Variants in UBE2F observed in about 807,000 individuals in gnomAD.
The protein encoded by UBE2F is ubiquitin conjugating enzyme E2 F (putative).
Under a neutral mutation model 29.6 loss-of-function variants are expected in UBE2F, and 5 were observed. That is an observed-to-expected ratio of 0.17 (90% CI 0.09 to 0.36). The LOEUF (loss-of-function observed/expected upper bound fraction) is 0.36, where lower values mean the gene tolerates loss of function less well. UBE2F is among the 10% of genes least tolerant of loss of function. The pLI, the probability that UBE2F is intolerant of heterozygous loss-of-function variation, is 1.00. For missense variants in UBE2F, 141 were observed against 228.5 expected, an observed-to-expected ratio of 0.62 and a Z score of 2.47; for synonymous variants, 66 against 81.8, an observed-to-expected ratio of 0.81 and a Z score of 1.04.
At chr2:238,006,942 G>C (rs2063921209) in intron 4 of UBE2F, among the ~76,000 whole-genome samples, 1 of 151,980 alleles carries the variant, frequency 6.6e-6, no homozygotes, top group Non-Finnish European at 1.5e-5. Context: ...TTTTAGTAGA[G>C]ATGAGGTTTC....
chr2:237,967,862 C>G lies in UBE2F; in HGVS notation c.-17+730C>G, dbSNP rs371406919. Among the ~76,000 whole-genome samples, 1 of 152,164 alleles carries G rather than the reference C, an allele frequency of 6.6e-6. No individual in the cohort carries two copies. The highest frequency in any genetic ancestry group is 2.4e-5 in the African/African-American group (1 of 41,446). On this transcript the variant is annotated intron_variant, in intron 1 of 9. Coordinates refer to ENST00000272930, the MANE Select transcript of UBE2F (RefSeq NM_080678.3). This position sits in a 1 kb window ranked among gnomAD's most constrained non-coding sequence, Gnocchi z 6.3. ...TCATCTTGGGTGTGGCCTTCCCCTCCCTGGGCTCAGTTTCCTCATCTGTCA... is the reference window on the plus strand; with the variant it reads ...TCATCTTGGGTGTGGCCTTCCCCTCGCTGGGCTCAGTTTCCTCATCTGTCA...
chr2:237,979,884 C>T (rs1386364204), intron 2 of UBE2F, among the ~76,000 whole-genome samples: 1 of 152,214 alleles, frequency 6.6e-6, no homozygotes, highest in Non-Finnish European at 1.5e-5. Flanking sequence ...TTCAGAGCTA[C>T]AGCCTTGCTC....
chr2:237,990,598 T>G (rs950334332), intron 3 of UBE2F: 1 of 181,160 alleles, frequency 5.5e-6, no homozygotes, highest in African/African-American at 2.4e-5. Flanking sequence ...TATTATTATT[T>G]TTTATACAAA....
intron 5 of UBE2F, among the ~76,000 whole-genome samples, chr2:238,023,657 A>G (rs1261309439): frequency 6.6e-6 from 1 of 152,216 alleles, no homozygotes; most frequent in African/African-American, 2.4e-5. Context: ...TACACAGGGA[A>G]AATGTTACCC....
chr2:238,002,213 C>T (rs894972662), intron 4 of UBE2F, among the ~76,000 whole-genome samples: 3 of 147,000 alleles, frequency 2.0e-5, no homozygotes, highest in African/African-American at 2.5e-5. Context: ...TACAGGCATG[C>T]GCCACCACAC....
rs2064821942 is a variant in UBE2F at position 238,040,787 on chromosome 2, GGTGGTC to G, written c.508-500_508-495del. On this transcript the variant is annotated intron_variant, in intron 9 of 9. Transcript: ENST00000272930. The surrounding 1 kb of genome is among the most constrained non-coding windows in gnomAD (Gnocchi z 4.4). ...GCACACCCAGCTCTCTTCTGGGCAG[GGTGGTC>G]ATCCTGCCCAGAAGAGATGGGGGCC... is the stretch of plus-strand genomic sequence containing the variant. Among the ~76,000 whole-genome samples the G allele has an allele frequency of 6.6e-6, 1 of 152,082 alleles. No homozygotes were observed. The highest frequency in any genetic ancestry group is 2.4e-5 in the African/African-American group (1 of 41,410).
chr2:238,025,137 C>T, intron 5 of UBE2F: 1 of 573,250 alleles, frequency 1.7e-6, no homozygotes, highest in South Asian at 1.9e-5. Flanking sequence ...CTGAGACTAG[C>T]CCTTGTGGAT....
At chr2:238,016,494 A>C (rs913139221) in intron 4 of UBE2F, 72 bp from the exon 5 acceptor site, 1 of 1,315,520 alleles carries the variant, frequency 7.6e-7, no homozygotes, top group African/African-American at 1.5e-5. Context: ...ATCCTAACAG[A>C]GTGTTTGCTT....
chr2:237,988,635 G>T (rs954227090), intron 3 of UBE2F, among the ~76,000 whole-genome samples: 2 of 141,608 alleles, frequency 1.4e-5, no homozygotes, highest in Non-Finnish European at 3.0e-5. Flanking sequence ...AAAAAAAAAA[G>T]AGCAAGGTTC....
At chr2:237,988,036 C>T (rs201911423) in intron 3 of UBE2F, 44 bp downstream of exon 3, 2 of 1,255,724 alleles carry the variant, frequency 1.6e-6, no homozygotes, top group South Asian at 1.6e-5. Context: ...GAAATAATTG[C>T]ATGAAGAAAA....
At chr2:238,013,033 T>C (rs1311575652) in intron 4 of UBE2F, among the ~76,000 whole-genome samples, 3 of 152,098 alleles carry the variant, frequency 2.0e-5, no homozygotes, top group Admixed American at 6.5e-5. Context: ...CCCAGCACTT[T>C]GGGGAGGCCA....
chr2:238,018,064 G>T (rs768944849), intron 5 of UBE2F, among the ~76,000 whole-genome samples: 1 of 152,206 alleles, frequency 6.6e-6, no homozygotes, highest in Non-Finnish European at 1.5e-5. Context: ...TGTAGACAAA[G>T]ATGGGAAAAT....
chr2:238,034,415 C>T (rs113096700), intron 8 of UBE2F, among the ~76,000 whole-genome samples: 14,642 of 151,598 alleles, frequency 0.097, 1,009 homozygotes, highest in African/African-American at 0.2. Flanking sequence ...GCAACAAGAG[C>T]GAAAATCCGT....
intron 9 of UBE2F, among the ~76,000 whole-genome samples, chr2:238,036,633 G>A (rs2064715584): frequency 6.6e-6 from 1 of 152,182 alleles, no homozygotes; most frequent in Non-Finnish European, 1.5e-5. Context: ...TCAGGAGTTT[G>A]AGACCAGCCT....
At position 238,041,895 on chromosome 2, in the gene UBE2F, A is replaced by G. The variant is rs2064842564; in HGVS notation, c.*557A>G. 6.5e-6 allele frequency: 1 copy of G among 152,794 alleles called. No individual in the cohort carries two copies. The highest frequency in any genetic ancestry group is 1.5e-5 in the Non-Finnish European group (1 of 68,132). 9.5% of individuals were successfully genotyped at this position (152,794 alleles called of 1,614,324 possible). A position where few individuals can be genotyped will look rare whatever the true frequency, so the allele number is the denominator to read the frequency against. On this transcript the variant is annotated 3_prime_UTR_variant, in exon 10 of 10. Coordinates refer to ENST00000272930, the MANE Select transcript of UBE2F (RefSeq NM_080678.3). ...CTTATTGAAATGCGTATTTTATTTA[A>G]TGTAAGTATATTTTGGAACAGATTT... is the stretch of plus-strand genomic sequence containing the variant.
At chr2:238,008,597 C>G (rs890000471) in intron 4 of UBE2F, among the ~76,000 whole-genome samples, 4 of 151,768 alleles carry the variant, frequency 2.6e-5, no homozygotes, top group Non-Finnish European at 5.9e-5. Context: ...ATTTTTTGAC[C>G]TTTGCAAAGA....
At chr2:237,972,810 C>A (rs1404478871) in intron 1 of UBE2F, among the ~76,000 whole-genome samples, 1 of 152,092 alleles carries the variant, frequency 6.6e-6, no homozygotes, top group Non-Finnish European at 1.5e-5. Flanking sequence ...ACCTTGGCCT[C>A]CCAAAGTGCT....
At chr2:238,031,768 A>G (rs1019775215) in intron 7 of UBE2F, among the ~76,000 whole-genome samples, 1 of 152,272 alleles carries the variant, frequency 6.6e-6, no homozygotes, top group African/African-American at 2.4e-5. Context: ...AAAATCATTA[A>G]GAAAACTTAA....
Position 238,041,340 on chromosome 2 carries a change from A to G in UBE2F, c.*2A>G, listed in dbSNP as rs2064834009. ...TACATCAAACGTTATGCCAGATGAT[A>G]AAAGGGGACGATTGCAGGCCCATGG... On this transcript the variant is annotated 3_prime_UTR_variant, in exon 10 of 10. Coordinates refer to ENST00000272930, the MANE Select transcript of UBE2F (RefSeq NM_080678.3). 6.2e-7 allele frequency: 1 copy of G among 1,613,836 alleles called. No homozygotes were observed.
Sources: gnomAD v4.1 joint callset for allele counts (sites outside exome capture counted in the v4.1 genomes callset) on GRCh38, gnomAD v4.1.1 for gene constraint, Gnocchi (gnomAD v3.1) non-coding constraint, MANE v1.5 for transcripts, NCBI Gene and HGNC (gene_info 2026-07-23, HGNC 2026-07-21) for gene names.